DDHD2: variants seen among roughly 807,000 people sequenced by gnomAD.
DDHD2 encodes triacylglycerol hydrolase DDHD2.
A neutral mutation model predicts 91.2 loss-of-function variants in DDHD2; 62 were observed. That is an observed-to-expected ratio of 0.68 (90% CI 0.55 to 0.84). DDHD2 has a LOEUF of 0.84. DDHD2 is among the 40% of genes least tolerant of loss of function. The pLI, the probability that DDHD2 is intolerant of heterozygous loss-of-function variation, is 0.00. For synonymous variants in DDHD2, 271 were observed against 293.9 expected (o/e 0.92, Z 0.80); for missense variants, 740 against 846.9 (o/e 0.87, Z 1.57).
chr8:38,244,332 G>T (rs1027731455), intron 7 of DDHD2, among the ~76,000 whole-genome samples: 1 of 151,834 alleles, frequency 6.6e-6, no homozygotes, highest in South Asian at 2.1e-4. Context: ...GCACGGTCTC[G>T]GCTCACTGCA....
rs745911961 is a variant in DDHD2, at chr8:38,252,171, A to C, written c.1501A>C (p.Ile501Leu). Reference sequence around the variant, plus strand: ...CCCCCGGCTCATCTATAAACCAGAGATATTCTTTGCCTTTGGATCTCCCAT... The same window carrying C: ...CCCCCGGCTCATCTATAAACCAGAGCTATTCTTTGCCTTTGGATCTCCCAT... ...KYPRLIYKPE[I>L]FFAFGSPIGM... is the part of the protein sequence containing the mutation. The change falls in exon 13 of 18, where the codon ATA becomes CTA. Residue 501 changes from isoleucine (I) to leucine (L), a missense_variant. Coordinates refer to ENST00000397166, the MANE Select transcript of DDHD2 (RefSeq NM_015214.3). 1 of 1,614,156 alleles carries C rather than the reference A, an allele frequency of 6.2e-7. No individual in the cohort carries two copies. Among genetic ancestry groups the C allele is most frequent in the Non-Finnish European group, 8.5e-7 (1 of 1,180,018 alleles).
At chr8:38,267,991 C>A (rs1807938377) in intron 1 of DDHD2, 1 of 1,613,792 alleles carries the variant, frequency 6.2e-7, no homozygotes. Context: ...TTGAAAGGAT[C>A]TGTCTAGGAG....
chr8:38,241,677 C>G (rs964692888), intron 6 of DDHD2, among the ~76,000 whole-genome samples: 1 of 151,720 alleles, frequency 6.6e-6, no homozygotes, highest in South Asian at 2.1e-4. Flanking sequence ...CCTTGGCCCC[C>G]CAAAGTGCTG....
At chr8:38,266,128 G>A, downstream of DDHD2, 2 of 1,613,246 alleles carry the variant, frequency 1.2e-6, no homozygotes, top group Non-Finnish European at 8.5e-7. Flanking sequence ...CATAGCCTGA[G>A]TACTTTGCTT....
chr8:38,234,419 TC>T lies in DDHD2; in HGVS notation c.248del (p.Pro83LeufsTer28), dbSNP rs1206858004. 6.3e-7 allele frequency: 1 copy of T among 1,596,712 alleles called. No individual in the cohort carries two copies. The highest frequency in any genetic ancestry group is 8.5e-7 in the Non-Finnish European group (1 of 1,175,818). ...SGKGCNGRVV[P>X]TDGGRYDVHL... ...GAAAAGGTTGTAATGGGAGAGTTGT[TC>T]CTACTGATGGGGGCAGATATGATGT... On this transcript the variant is annotated frameshift_variant, in exon 3 of 18. Transcript: ENST00000397166. LOFTEE classifies it high-confidence loss of function.
chr8:38,266,454 G>C, downstream of DDHD2: 1 of 775,430 alleles, frequency 1.3e-6, no homozygotes, highest in Non-Finnish European at 2.0e-6. Flanking sequence ...AGGCTGGAGT[G>C]CAGTGGCACC....
chr8:38,268,958 A>T (rs1334091567), intron 1 of DDHD2: 1 of 1,566,680 alleles, frequency 6.4e-7, no homozygotes, highest in East Asian at 2.4e-5. Context: ...CGGCTGGATG[A>T]GTCTCTGGAA....
chr8:38,259,426 G>A (rs547772839), intron 16 of DDHD2, among the ~76,000 whole-genome samples: 1 of 148,700 alleles, frequency 6.7e-6, no homozygotes, highest in Non-Finnish European at 1.5e-5. Context: ...TCGCCTATCT[G>A]CCAGGCTGGA....
At chr8:38,259,015 C>G (rs1806753721) in intron 16 of DDHD2, among the ~76,000 whole-genome samples, 1 of 152,090 alleles carries the variant, frequency 6.6e-6, no homozygotes, top group Non-Finnish European at 1.5e-5. Flanking sequence ...AAGATGGGAA[C>G]TGGTGGTGGT....
Position 38,242,275 on chromosome 8 carries a change from G to A in DDHD2, c.738G>A (p.Leu246=). ...QCVNDFRSVS[L]NLLQTHFKKA... ...TTAATGATTTTCGCAGTGTTTCCTT[G>A]AACTTGCTACAGACACATTTTAAGA... The change falls in exon 7 of 18, where the codon TTG becomes TTA. Residue 246 remains leucine, a synonymous_variant. Coordinates refer to ENST00000397166, the MANE Select transcript of DDHD2 (RefSeq NM_015214.3). 3 of 1,594,636 alleles carry A rather than the reference G, an allele frequency of 1.9e-6. No individual in the cohort carries two copies. The highest frequency in any genetic ancestry group is 1.4e-5 in the African/African-American group (1 of 73,660).
At chr8:38,256,110 A>G (rs1472228987) in intron 16 of DDHD2, among the ~76,000 whole-genome samples, 2 of 152,042 alleles carry the variant, frequency 1.3e-5, no homozygotes, top group East Asian at 1.9e-4. Flanking sequence ...CATCACTACA[A>G]TCAACTTAAC....
At chr8:38,251,446 G>GCACA (rs1470435809) in intron 11 of DDHD2, 1 of 153,546 alleles carries the variant, frequency 6.5e-6, no homozygotes, top group Admixed American at 6.5e-5. Context: ...GATTACAGAG[G>GCACA]CACAGCACTT....
At chr8:38,238,298 C>T (rs756920790) in intron 5 of DDHD2, 89 bp downstream of exon 5, 4 of 1,562,048 alleles carry the variant, frequency 2.6e-6, no homozygotes, top group Admixed American at 1.9e-5. Context: ...TAGATTACCT[C>T]AAGGCTTAAA....
At chr8:38,234,861 C>T (rs894834994) in intron 3 of DDHD2, among the ~76,000 whole-genome samples, 3 of 151,742 alleles carry the variant, frequency 2.0e-5, no homozygotes, top group African/African-American at 4.8e-5. Flanking sequence ...TCCACCTCCC[C>T]GGTTCAAGTG....
At chr8:38,232,922 CGT>C (rs1015096121) in intron 1 of DDHD2, 63 bp from the exon 2 acceptor site, 52 of 1,051,748 alleles carry the variant, frequency 4.9e-5, no homozygotes, top group Non-Finnish European at 6.3e-5. Flanking sequence ...TAGTTTTGTG[CGT>C]GTGTGTGTGC....
At chr8:38,235,062 A>G (rs1424061483) in intron 3 of DDHD2, among the ~76,000 whole-genome samples, 2 of 152,228 alleles carry the variant, frequency 1.3e-5, no homozygotes, top group East Asian at 1.9e-4. Context: ...TGAAAAAGAT[A>G]TGAATTAGAT....
At chr8:38,265,213 C>G, downstream of DDHD2, 1 of 375,078 alleles carries the variant, frequency 2.7e-6, no homozygotes, top group South Asian at 4.2e-5. Flanking sequence ...TTGCAGTGAG[C>G]CGAGATGGTG....
At chr8:38,267,699 C>G (rs1807865006), downstream of DDHD2, 2 of 652,472 alleles carry the variant, frequency 3.1e-6, no homozygotes, top group Non-Finnish European at 5.2e-6. Flanking sequence ...AAATGCTGTT[C>G]AGGCAGAAAA....
At chr8:38,268,173 C>T (rs759099632) in intron 1 of DDHD2, 11 of 1,234,020 alleles carry the variant, frequency 8.9e-6, no homozygotes, top group Admixed American at 2.8e-5. Context: ...TAACCCAGTG[C>T]ATTTAGGCAC....
Sources: gnomAD v4.1 joint callset for allele counts (sites outside exome capture counted in the v4.1 genomes callset) on GRCh38, gnomAD v4.1.1 for gene constraint, MANE v1.5 for transcripts, NCBI Gene and HGNC (gene_info 2026-07-23, HGNC 2026-07-21) for gene names.